ABI3BP: variants seen among roughly 807,000 people sequenced by gnomAD.
The protein encoded by ABI3BP is ABI family member 3 binding protein.
Under a neutral mutation model 268.6 loss-of-function variants are expected in ABI3BP, and 216 were observed. The observed-to-expected ratio is 0.80, with a 90% CI of 0.72 to 0.90. The LOEUF (loss-of-function observed/expected upper bound fraction) is 0.90, where lower values mean the gene tolerates loss of function less well. Ranked by LOEUF, ABI3BP falls within the 40% of genes least tolerant of loss-of-function variation. The pLI, the probability that ABI3BP is intolerant of heterozygous loss-of-function variation, is 0.00. For missense variants in ABI3BP, 2,090 were observed against 2,182.4 expected (o/e 0.96, Z 0.84); for synonymous variants, 730 against 730.0 (o/e 1.00, Z 0.00).
At chr3:100,862,727 C>G in intron 13 of ABI3BP, 111 bp downstream of exon 13, 1 of 726,740 alleles carries the variant, frequency 1.4e-6, no homozygotes, top group Admixed American at 3.3e-5. Flanking sequence ...ATTTGTTTGC[C>G]TAACTATCAG....
In ABI3BP at chr3:100,749,523, T is replaced by G. The variant is rs1321023331; in HGVS notation, c.*972A>C. ...ACAATACCTTTTTAATAGAAATAAA[T>G]GAGTTAGTTAGTTAGATTTTTATTA... On this transcript the variant is annotated 3_prime_UTR_variant, in exon 68 of 68. Transcript: ENST00000471714. 3.0e-5 allele frequency: 12 copies of G among 394,308 alleles called. No homozygotes were observed. Among genetic ancestry groups the G allele is most frequent in the Non-Finnish European group, 4.0e-5 (9 of 224,680 alleles). The allele number at this position is 394,308 out of a possible 1,614,324, so 24.4% of individuals were successfully genotyped here. A position where few individuals can be genotyped will look rare whatever the true frequency, so the allele number is the denominator to read the frequency against.
chr3:100,899,202 T>C (rs1031483459), intron 3 of ABI3BP, among the ~76,000 whole-genome samples: 16 of 152,298 alleles, frequency 1.1e-4, no homozygotes, highest in African/African-American at 3.6e-4. Flanking sequence ...TTCTTGTGGG[T>C]CAGGGAAGGA....
chr3:100,790,006 T>C (rs982360247), intron 55 of ABI3BP, among the ~76,000 whole-genome samples: 2 of 152,044 alleles, frequency 1.3e-5, no homozygotes, highest in Non-Finnish European at 1.5e-5. Flanking sequence ...CTCTATCAAA[T>C]GGTCTTTGCT....
At chr3:100,885,446 T>A in intron 6 of ABI3BP, 90 bp downstream of exon 6, 1 of 695,228 alleles carries the variant, frequency 1.4e-6, no homozygotes, top group Non-Finnish European at 2.2e-6. Flanking sequence ...AGTCAGTTAA[T>A]CTAATTTCAG....
chr3:100,862,760 G>T, intron 13 of ABI3BP, 78 bp downstream of exon 13: 1 of 962,040 alleles, frequency 1.0e-6, no homozygotes, highest in Non-Finnish European at 1.5e-6. Context: ...CCAGAAATAA[G>T]ATGCAGTAAA....
At chr3:100,837,370 G>T in intron 26 of ABI3BP, 199 bp from the exon 27 acceptor site, 2 of 456,154 alleles carry the variant, frequency 4.4e-6, no homozygotes, top group Non-Finnish European at 7.6e-6. Context: ...AATCTTGGGA[G>T]AAAATTTCAA....
intron 63 of ABI3BP, among the ~76,000 whole-genome samples, chr3:100,757,017 ATAAAAT>A (rs1464785112): frequency 6.6e-6 from 1 of 152,102 alleles, no homozygotes; most frequent in Non-Finnish European, 1.5e-5. Flanking sequence ...TACATAGAAA[ATAAAAT>A]TTAAAGTTTC....
intron 1 of ABI3BP, among the ~76,000 whole-genome samples, chr3:100,988,977 T>A (rs1316293241): frequency 6.6e-6 from 1 of 152,226 alleles, no homozygotes; most frequent in Non-Finnish European, 1.5e-5. Context: ...TCATAGGTAC[T>A]ATAGTCTGAA....
intron 14 of ABI3BP, among the ~76,000 whole-genome samples, chr3:100,854,295 C>G (rs1241391076): frequency 1.3e-5 from 2 of 151,938 alleles, no homozygotes; most frequent in East Asian, 3.9e-4. Context: ...GGAGGCAGAG[C>G]CTGCAGTGAG....
intron 40 of ABI3BP, 36 bp downstream of exon 40, chr3:100,820,184 T>C: frequency 6.7e-7 from 1 of 1,484,262 alleles, no homozygotes; most frequent in Non-Finnish European, 9.1e-7. Flanking sequence ...TGAGAGCAGC[T>C]AGGATGAGCT....
At chr3:100,942,576 T>C (rs2069918749) in intron 1 of ABI3BP, among the ~76,000 whole-genome samples, 1 of 152,128 alleles carries the variant, frequency 6.6e-6, no homozygotes, top group African/African-American at 2.4e-5. Context: ...CTTATTTTCA[T>C]GAAAATTCAT....
In ABI3BP at chr3:100,869,330, G is replaced by GTTTTT. The variant is rs144604645; in HGVS notation, c.911-2379_911-2375dup. ...ATATTGTTTTTTCTTCTTCTTTTTG[G>GTTTTT]TTTTTTTTTTTTTTTTTTTTTTTTT... On this transcript the variant is annotated intron_variant, in intron 9 of 67. Transcript: ENST00000471714. 8.8e-4 allele frequency among the ~76,000 whole-genome samples: 44 copies of GTTTTT among 49,758 alleles called. 5 individuals carry two copies. Among genetic ancestry groups the GTTTTT allele is most frequent in the African/African-American group, 3.5e-3 (43 of 12,214 alleles). The allele number at this position is 49,758 out of a possible 152,430, so 32.6% of individuals were successfully genotyped here. A position where few individuals can be genotyped will look rare whatever the true frequency, so the allele number is the denominator to read the frequency against.
At chr3:100,930,724 G>T (rs536965312) in intron 1 of ABI3BP, 1 of 151,984 alleles carries the variant, frequency 6.6e-6, no homozygotes, top group East Asian at 1.9e-4. Context: ...ACCTGAAAAG[G>T]CCCTGAGCCA....
intron 62 of ABI3BP, among the ~76,000 whole-genome samples, chr3:100,767,014 A>AT (rs922750159): frequency 2.8e-4 from 42 of 151,498 alleles, no homozygotes; most frequent in East Asian, 5.8e-4. Context: ...TTGGGGGAGG[A>AT]TTTTTTTTTG....
At chr3:100,842,102 C>T in intron 20 of ABI3BP, 63 bp from the exon 21 acceptor site, 1 of 1,351,716 alleles carries the variant, frequency 7.4e-7, no homozygotes. Flanking sequence ...ATAGAAGTGA[C>T]ATGTTCTTGA....
At chr3:100,780,432 A>C (rs1015663765) in intron 57 of ABI3BP, among the ~76,000 whole-genome samples, 1 of 152,118 alleles carries the variant, frequency 6.6e-6, no homozygotes. Context: ...TTTCATGGTA[A>C]ATTGTGGTTT....
At chr3:100,974,139 A>G (rs1169340930) in intron 1 of ABI3BP, among the ~76,000 whole-genome samples, 2 of 152,200 alleles carry the variant, frequency 1.3e-5, no homozygotes, top group Non-Finnish European at 2.9e-5. Context: ...ATTTGGAGCA[A>G]TTGAAATCTT....
At chr3:100,765,803 ACT>A (rs1415258181) in intron 63 of ABI3BP, 36 bp downstream of exon 63, 1 of 1,428,714 alleles carries the variant, frequency 7.0e-7, no homozygotes, top group Non-Finnish European at 9.8e-7. Flanking sequence ...TAACTTTTGC[ACT>A]CTCAGAATTT....
At chr3:100,950,392 T>G (rs1319653058) in intron 1 of ABI3BP, among the ~76,000 whole-genome samples, 2 of 152,188 alleles carry the variant, frequency 1.3e-5, no homozygotes, top group Non-Finnish European at 2.9e-5. Context: ...AAGTTATTAC[T>G]CAATGCACTC....
Sources: allele counts gnomAD v4.1 joint callset (sites outside exome capture counted in the v4.1 genomes callset), GRCh38; gene constraint gnomAD v4.1.1; transcripts MANE v1.5; gene names NCBI Gene and HGNC (gene_info 2026-07-23, HGNC 2026-07-21).